ATAD5: variants seen among roughly 807,000 people sequenced by gnomAD.
ATAD5 encodes ATPase family AAA domain-containing protein 5.
A neutral mutation model predicts 176.9 loss-of-function variants in ATAD5; 58 were observed. The observed-to-expected ratio is 0.33, with a 90% CI of 0.27 to 0.41. ATAD5 has a LOEUF of 0.41. Ranked by LOEUF, ATAD5 falls within the 10% of genes least tolerant of loss-of-function variation. The pLI is 1.00. For missense variants in ATAD5, 1,789 were observed against 2,094.1 expected, an observed-to-expected ratio of 0.85 and a Z score of 2.84; for synonymous variants, 640 against 712.6, an observed-to-expected ratio of 0.90 and a Z score of 1.62.
At chr17:30,868,309 T>C in intron 11 of ATAD5, 24 bp from the exon 12 acceptor site, 1 of 1,537,240 alleles carries the variant, frequency 6.5e-7, no homozygotes, top group Non-Finnish European at 8.7e-7. Context: ...TGTGAATTAT[T>C]TTTATTATGT....
intron 10 of ATAD5, chr17:30,864,819 AT>A (rs541982838): frequency 3.3e-5 from 5 of 151,864 alleles, no homozygotes; most frequent in South Asian, 2.1e-4. Flanking sequence ...AAAGGATATG[AT>A]TTTTTTCTTT....
chr17:30,869,278 G>A lies in ATAD5; in HGVS notation c.3344G>A (p.Ser1115Asn), dbSNP rs1319386228. ...TCGGGTGGCATAGACTTTAAAGGCA[G>A]TTCAGATGATGAAGAAGAGAGTCGT... Reference protein sequence around the residue: ...DFSGGIDFKGSSDDEEESRLC... With the variant: ...DFSGGIDFKGNSDDEEESRLC... Residue 1115 changes from serine (S) to asparagine (N), a missense_variant, in exon 13 of 23, where the codon AGT becomes AAT. By Grantham distance (46) the Ser-to-Asn change is conservative. Coordinates refer to ENST00000321990, the MANE Select transcript of ATAD5 (RefSeq NM_024857.5). 6.2e-7 allele frequency: 1 copy of A among 1,612,808 alleles called. No individual in the cohort carries two copies.
rs936891738 is a variant in ATAD5 at position 30,848,009 on chromosome 17, C to T, written c.2450+3093C>T. Among the ~76,000 whole-genome samples the T allele has an allele frequency of 4.6e-5, 7 of 152,006 alleles. No homozygotes were observed. In the East Asian group the frequency reaches 5.8e-4, roughly 13 times the overall value. ...TGCTGGGATTACAAGCGCGAGCCAC[C>T]GCGCTCCGCCTGACTGCTATGAACA... is the stretch of plus-strand genomic sequence containing the variant. On this transcript the variant is annotated intron_variant, in intron 6 of 22. Coordinates refer to ENST00000321990, the MANE Select transcript of ATAD5 (RefSeq NM_024857.5).
chr17:30,893,228 T>C (rs763838004), intron 20 of ATAD5, 66 bp from the exon 21 acceptor site: 82 of 1,478,902 alleles, frequency 5.5e-5, no homozygotes, highest in Admixed American at 1.4e-4. Context: ...ACTATATTCA[T>C]ACAGGTAGAA....
intron 6 of ATAD5, among the ~76,000 whole-genome samples, chr17:30,854,068 G>C (rs1907141437): frequency 6.6e-6 from 1 of 150,550 alleles, no homozygotes; most frequent in Non-Finnish European, 1.5e-5. Flanking sequence ...CTTAACATGG[G>C]TAGACTTTCA....
chr17:30,889,974 T>C (rs1252731023), intron 19 of ATAD5, among the ~76,000 whole-genome samples: 3 of 149,422 alleles, frequency 2.0e-5, no homozygotes, highest in Non-Finnish European at 4.5e-5. Context: ...TCACTCCAGC[T>C]TAATCTCCTG....
At chr17:30,837,798 ACCT>A (rs1567678027) in intron 3 of ATAD5, among the ~76,000 whole-genome samples, 1 of 151,922 alleles carries the variant, frequency 6.6e-6, no homozygotes, top group African/African-American at 2.4e-5. Context: ...TGACCTAATC[ACCT>A]CCTAAAGGCC....
rs1908215767 is a variant in ATAD5 at position 30,869,485 on chromosome 17, T to G, written c.3457-11T>G. On this transcript the variant is annotated splice_polypyrimidine_tract_variant and intron_variant, in intron 13 of 22. Transcript: ENST00000321990. ...ATTCTCCCTTCGTTTTTTCTTATAT[T>G]CTTCTTTTAGATATTTGAAGTGAAT... 1 of 1,610,132 alleles carries G rather than the reference T, an allele frequency of 6.2e-7. No homozygotes were observed. Among genetic ancestry groups the G allele is most frequent in the African/African-American group, 1.3e-5 (1 of 74,634 alleles).
chr17:30,871,291 T>C (rs1188911351), intron 14 of ATAD5, among the ~76,000 whole-genome samples: 2 of 151,444 alleles, frequency 1.3e-5, no homozygotes, highest in African/African-American at 2.4e-5. Context: ...TTTGAACATA[T>C]GGAATACAGT....
intron 19 of ATAD5, among the ~76,000 whole-genome samples, chr17:30,891,701 T>A (rs1195840867): frequency 6.6e-6 from 1 of 151,260 alleles, no homozygotes; most frequent in Non-Finnish European, 1.5e-5. Flanking sequence ...TTCTTCCCCC[T>A]TTGAGTTGGA....
At chr17:30,867,142 G>A (rs1365153066) in intron 11 of ATAD5, among the ~76,000 whole-genome samples, 2 of 148,986 alleles carry the variant, frequency 1.3e-5, no homozygotes, top group Non-Finnish European at 3.0e-5. Flanking sequence ...GCTCAAGCCT[G>A]TAATCCCAGT....
Position 30,878,719 on chromosome 17 carries a change from T to TTTTG in ATAD5, c.4012+626_4012+627insGTTT, listed in dbSNP as rs1908817874. 1.2e-4 allele frequency among the ~76,000 whole-genome samples: 5 copies of TTTTG among 43,010 alleles called. No individual in the cohort carries two copies. The South Asian group carries it at 2.9e-3, about 25-fold the overall frequency. The allele number at this position is 43,010 out of a possible 152,430, so 28.2% of individuals were successfully genotyped here. ...CTTATTAATCAGAAGTTAGGTGGTG[T>TTTTG]TTTTTTTTTTTTTTTTTTTTTTTTT... On this transcript the variant is annotated intron_variant, in intron 17 of 22. Coordinates refer to ENST00000321990, the MANE Select transcript of ATAD5 (RefSeq NM_024857.5).
Position 30,844,000 on chromosome 17 carries a change from C to A in ATAD5, c.2329C>A (p.Leu777Ile). 6.4e-7 allele frequency: 1 copy of A among 1,560,112 alleles called. No homozygotes were observed. The highest frequency in any genetic ancestry group is 8.6e-7 in the Non-Finnish European group (1 of 1,156,316). ...GAAACTTCAGTGTTTGAATGATGTG[C>A]TAGGAAAAAAACTTAACACATCCAC... ...QKKLQCLNDVLGKKLNTSTKN... is the reference protein window; with the variant it reads ...QKKLQCLNDVIGKKLNTSTKN... Residue 777 changes from leucine (L) to isoleucine (I), a missense_variant, in exon 5 of 23, where the codon CTA (leucine) becomes ATA (isoleucine). Transcript: ENST00000321990.
intron 18 of ATAD5, among the ~76,000 whole-genome samples, chr17:30,885,623 C>CTTTTTTTTTTTTTTTTTT (rs778733612): frequency 1.1e-5 from 1 of 93,810 alleles, no homozygotes; most frequent in Non-Finnish European, 2.0e-5. Flanking sequence ...TTCCAACTTT[C>CTTTTTTTTTTTTTTTTTT]TTTTTTTTTT....
intron 14 of ATAD5, among the ~76,000 whole-genome samples, chr17:30,871,180 C>T (rs1908313168): frequency 7.2e-6 from 1 of 139,642 alleles, no homozygotes; most frequent in South Asian, 2.4e-4. Flanking sequence ...AGTATGCTGT[C>T]ACTGCTATAA....
chr17:30,845,761 G>A (rs1048153862), intron 6 of ATAD5, among the ~76,000 whole-genome samples: 3 of 152,190 alleles, frequency 2.0e-5, no homozygotes, highest in Admixed American at 6.6e-5. Flanking sequence ...TAGAGTAGAT[G>A]TAGGAGTCCA....
chr17:30,835,067 A>T lies in ATAD5; in HGVS notation c.986A>T (p.His329Leu), dbSNP rs764088251. The change falls in exon 2 of 23, where the codon CAC becomes CTC. Residue 329 changes from histidine to leucine, a missense_variant. By Grantham distance (99) the His-to-Leu change is moderately conservative (BLOSUM62 -3). This residue lies in a region of ATAD5 where 696 missense variants were observed against 712.5 expected (regional missense o/e 0.98). Transcript: ENST00000321990. Reference protein sequence around the residue: ...FKTVTVLAQVHPIPPKKTGKI... With the variant: ...FKTVTVLAQVLPIPPKKTGKI... ...ACAGTTACTGTTCTTGCACAGGTTC[A>T]CCCTATTCCGCCCAAAAAGACAGGG... is the stretch of plus-strand genomic sequence containing the variant. 2.2e-5 allele frequency: 36 copies of T among 1,614,028 alleles called. No homozygotes were observed. The East Asian group carries it at 8.0e-4, about 36-fold the overall frequency.
chr17:30,876,059 C>A (rs1272694314), intron 14 of ATAD5, among the ~76,000 whole-genome samples: 1 of 151,740 alleles, frequency 6.6e-6, no homozygotes, highest in Non-Finnish European at 1.5e-5. Context: ...ATGGCGTGAA[C>A]CCAGGAGGTG....
intron 3 of ATAD5, among the ~76,000 whole-genome samples, chr17:30,838,014 C>G (rs1905858759): frequency 6.6e-6 from 1 of 152,158 alleles, no homozygotes; most frequent in Non-Finnish European, 1.5e-5. Context: ...GGAGGGCTGT[C>G]CTGTGCATTG....
Sources: allele counts gnomAD v4.1 joint callset (sites outside exome capture counted in the v4.1 genomes callset), GRCh38; gene constraint gnomAD v4.1.1; regional missense constraint gnomAD v4.1.1; transcripts MANE v1.5; gene names NCBI Gene and HGNC (gene_info 2026-07-23, HGNC 2026-07-21).